Variants in TMEM50B observed in about 807,000 individuals in gnomAD.
The protein encoded by TMEM50B is transmembrane protein 50B.
A neutral mutation model predicts 23.4 loss-of-function variants in TMEM50B; 14 were observed. The observed-to-expected ratio is 0.60, with a 90% CI of 0.39 to 0.93. TMEM50B has a LOEUF of 0.93. Among genes scored for constraint, TMEM50B ranks in the 40% least tolerant of loss-of-function variants. TMEM50B has a pLI of 0.00. For missense variants in TMEM50B, 159 were observed against 193.0 expected, an observed-to-expected ratio of 0.82 and a Z score of 1.04; for synonymous variants, 64 against 62.3, an observed-to-expected ratio of 1.03 and a Z score of -0.13.
intron 1 of TMEM50B, among the ~76,000 whole-genome samples, chr21:33,478,380 T>C (rs1415733662): frequency 6.6e-6 from 1 of 151,876 alleles, no homozygotes; most frequent in African/African-American, 2.4e-5. Flanking sequence ...GGCTGTAAAA[T>C]CCCTTTAACC....
At chr21:33,475,478 C>A (rs1160151470) in intron 1 of TMEM50B, among the ~76,000 whole-genome samples, 2 of 151,960 alleles carry the variant, frequency 1.3e-5, no homozygotes, top group Non-Finnish European at 2.9e-5. Context: ...TCCCAAGTAG[C>A]TGGGATTACA....
At position 33,450,086 on chromosome 21, in the gene TMEM50B, T is replaced by C. The variant is rs553309259; in HGVS notation, c.*732A>G. The C allele has an allele frequency of 2.6e-5, 4 of 152,320 alleles. No homozygotes were observed. Among genetic ancestry groups the C allele is most frequent in the African/African-American group, 9.6e-5 (4 of 41,570 alleles). 9.4% of individuals were successfully genotyped at this position (152,320 alleles called of 1,614,324 possible). On this transcript the variant is annotated 3_prime_UTR_variant, in exon 7 of 7. Coordinates refer to ENST00000542230, the MANE Select transcript of TMEM50B (RefSeq NM_006134.7). ...TTTTTTCTTTACCAAAAAAACCTCA[T>C]TTTTAGGCCAAAATAAGTTACAACT...
At chr21:33,458,787 G>A (rs2084191953) in intron 5 of TMEM50B, among the ~76,000 whole-genome samples, 1 of 152,128 alleles carries the variant, frequency 6.6e-6, no homozygotes, top group Non-Finnish European at 1.5e-5. Context: ...TTTTCCTTCA[G>A]ATATGCTTCA....
At chr21:33,455,701 C>T (rs373802863) in intron 6 of TMEM50B, 26 bp downstream of exon 6, 156 of 1,583,154 alleles carry the variant, frequency 9.9e-5, no homozygotes, top group East Asian at 4.5e-5. Flanking sequence ...ATGTTACAGG[C>T]GTGGTTAAAA....
chr21:33,454,294 G>A (rs938126339), intron 6 of TMEM50B, among the ~76,000 whole-genome samples: 5 of 151,864 alleles, frequency 3.3e-5, no homozygotes, highest in Non-Finnish European at 7.4e-5. Context: ...TGCATACTAT[G>A]TATTAATTAT....
intron 8 of TMEM50B, among the ~76,000 whole-genome samples, chr21:33,434,954 A>C (rs1050630543): frequency 6.6e-6 from 1 of 152,194 alleles, no homozygotes; most frequent in African/African-American, 2.4e-5. Flanking sequence ...AGGAAAGCAT[A>C]AAGAACATCC....
At chr21:33,437,218 T>TA in intron 8 of TMEM50B, 1 of 461,302 alleles carries the variant, frequency 2.2e-6, no homozygotes, top group South Asian at 2.3e-5. Context: ...TCTTAAACAC[T>TA]AAAAAGGCAT....
chr21:33,445,216 C>A (rs1475627016), downstream of TMEM50B, among the ~76,000 whole-genome samples: 1 of 152,110 alleles, frequency 6.6e-6, no homozygotes, highest in African/African-American at 2.4e-5. Flanking sequence ...AAATCAAAGA[C>A]CCAGCACTCT....
chr21:33,456,934 T>TA (rs1462104251), intron 5 of TMEM50B, among the ~76,000 whole-genome samples: 2 of 152,208 alleles, frequency 1.3e-5, no homozygotes, highest in Admixed American at 1.3e-4. Flanking sequence ...CTCTCTGAAA[T>TA]AAAGTCATAT....
intron 1 of TMEM50B, among the ~76,000 whole-genome samples, chr21:33,476,704 T>C (rs546914991): frequency 4.8e-3 from 620 of 129,998 alleles, no homozygotes; most frequent in African/African-American, 0.013. Flanking sequence ...GAGCTTGCAG[T>C]GAGCCGAGAT....
intron 4 of TMEM50B, among the ~76,000 whole-genome samples, chr21:33,462,863 G>A (rs1444323044): frequency 2.6e-5 from 4 of 152,146 alleles, no homozygotes; most frequent in African/African-American, 4.8e-5. Context: ...AAGTAAGCGC[G>A]ATCGCATGCG....
At position 33,457,020 on chromosome 21, in the gene TMEM50B, C is replaced by T. The variant is rs553853896; in HGVS notation, c.374-1236G>A. On this transcript the variant is annotated intron_variant, in intron 5 of 6. Coordinates refer to ENST00000542230, the MANE Select transcript of TMEM50B (RefSeq NM_006134.7). ...TTGTAATCCCAGCACTTTGGGGGGC[C>T]GAGGCGGGTAGATCACTTGAGGTCA... Among the ~76,000 whole-genome samples the T allele has an allele frequency of 4.6e-5, 7 of 152,154 alleles. No individual in the cohort carries two copies. In the South Asian group the frequency reaches 1.4e-3, roughly 32 times the overall value.
intron 2 of TMEM50B, chr21:33,468,579 T>C (rs2084285382): frequency 2.1e-6 from 1 of 479,538 alleles, no homozygotes; most frequent in Non-Finnish European, 3.7e-6. Context: ...GAAGAAAAGA[T>C]ATTAAGTACA....
intron 1 of TMEM50B, among the ~76,000 whole-genome samples, chr21:33,476,095 T>C (rs900350582): frequency 1.3e-5 from 2 of 152,220 alleles, no homozygotes; most frequent in Non-Finnish European, 2.9e-5. Flanking sequence ...AGCCTCTAAA[T>C]ATAAAAGAAT....
intron 8 of TMEM50B, chr21:33,436,682 A>C (rs368927165): frequency 6.4e-6 from 4 of 622,128 alleles, no homozygotes; most frequent in East Asian, 5.9e-5. Context: ...AGATCACACC[A>C]CTATACTCCA....
chr21:33,436,705 G>A (rs2083955657), intron 8 of TMEM50B: 8 of 745,754 alleles, frequency 1.1e-5, no homozygotes, highest in Middle Eastern at 3.9e-4. Context: ...CTAGGCAAGA[G>A]TAAGACTCCA....
chr21:33,459,929 A>G (rs1244510394), intron 5 of TMEM50B, among the ~76,000 whole-genome samples: 1 of 152,166 alleles, frequency 6.6e-6, no homozygotes, highest in Admixed American at 6.5e-5. Flanking sequence ...CATTCCTACA[A>G]TAAAACATTT....
At chr21:33,443,649 G>A (rs1228387576) in intron 7 of TMEM50B, among the ~76,000 whole-genome samples, 1 of 152,086 alleles carries the variant, frequency 6.6e-6, no homozygotes, top group Admixed American at 6.6e-5. Context: ...TTACTATAAA[G>A]TACATTACAG....
intron 1 of TMEM50B, among the ~76,000 whole-genome samples, chr21:33,474,522 A>G (rs1250399589): frequency 6.7e-6 from 1 of 150,344 alleles, no homozygotes; most frequent in Non-Finnish European, 1.5e-5. Flanking sequence ...AATGGCTAAC[A>G]CTTGTAATCC....
Sources: allele counts gnomAD v4.1 joint callset (sites outside exome capture counted in the v4.1 genomes callset), GRCh38; gene constraint gnomAD v4.1.1; transcripts MANE v1.5; gene names NCBI Gene and HGNC (gene_info 2026-07-23, HGNC 2026-07-21).